ACSS3: variants seen among roughly 807,000 people sequenced by gnomAD.
ACSS3 encodes the protein acyl-CoA synthetase short-chain family member 3, mitochondrial.
In ACSS3, 64 loss-of-function variants were observed where a neutral mutation model predicts 84.2. That is an observed-to-expected ratio of 0.76 (90% CI 0.62 to 0.94). The LOEUF (loss-of-function observed/expected upper bound fraction) is 0.94, where lower values mean the gene tolerates loss of function less well. ACSS3 is among the 40% of genes least tolerant of loss of function. The probability of loss-of-function intolerance (pLI) is 0.00; values close to 1 mark genes in which losing one functional copy is unlikely to be tolerated. For missense variants in ACSS3, 815 were observed against 867.6 expected, an observed-to-expected ratio of 0.94 and a Z score of 0.76; for synonymous variants, 317 against 310.1, an observed-to-expected ratio of 1.02 and a Z score of -0.23.
chr12:81,219,024 A>C (rs2033016844), intron 10 of ACSS3, among the ~76,000 whole-genome samples: 1 of 152,156 alleles, frequency 6.6e-6, no homozygotes, highest in South Asian at 2.1e-4. Flanking sequence ...ACATTTATTG[A>C]GTACCTTATG....
intron 7 of ACSS3, among the ~76,000 whole-genome samples, chr12:81,154,791 C>T (rs899828053): frequency 6.6e-6 from 1 of 152,188 alleles, no homozygotes; most frequent in African/African-American, 2.4e-5. Context: ...GAGTTCAGCC[C>T]TGCAGACCAT....
At chr12:81,092,435 A>G (rs1190029789) in intron 1 of ACSS3, among the ~76,000 whole-genome samples, 1 of 152,188 alleles carries the variant, frequency 6.6e-6, no homozygotes, top group Admixed American at 6.5e-5. Context: ...TAAGAGTAAC[A>G]AAATCCATTT....
chr12:81,153,608 GA>G (rs1239239403), intron 7 of ACSS3, among the ~76,000 whole-genome samples: 2 of 152,098 alleles, frequency 1.3e-5, no homozygotes, highest in African/African-American at 4.8e-5. Flanking sequence ...AGAACAAATG[GA>G]CAACTTCTCA....
chr12:81,238,667 T>C lies in ACSS3; in HGVS notation c.1719+5196T>C, dbSNP rs1173448968. Among the ~76,000 whole-genome samples the C allele has an allele frequency of 2.0e-5, 3 of 151,830 alleles. No individual in the cohort carries two copies. The Admixed American group carries it at 2.0e-4, about 10-fold the overall frequency. ...TTGGTGGGCATAGACTTATTCATAA[T>C]ATTCCTTATTATCTTTTTAATGTCC... On this transcript the variant is annotated intron_variant, in intron 13 of 15. Coordinates refer to ENST00000548058, the MANE Select transcript of ACSS3 (RefSeq NM_024560.4).
rs113641638 is a variant in ACSS3 at position 81,215,243 on chromosome 12, CT to C, written c.1355-1649del. On this transcript the variant is annotated intron_variant, in intron 9 of 15. Coordinates refer to ENST00000548058, the MANE Select transcript of ACSS3 (RefSeq NM_024560.4). ...AAATACCTTCCCCCCTGCCCCCCAC[CT>C]TTTTTTTTGTCATGCTTGGAAAATA... 4.8e-4 allele frequency among the ~76,000 whole-genome samples: 73 copies of C among 151,232 alleles called. 1 individual carries two copies. The highest frequency in any genetic ancestry group is 1.5e-3 in the African/African-American group (60 of 41,266).
At chr12:81,222,345 A>G (rs2033137515) in intron 11 of ACSS3, among the ~76,000 whole-genome samples, 1 of 152,082 alleles carries the variant, frequency 6.6e-6, no homozygotes, top group South Asian at 2.1e-4. Flanking sequence ...CGGAAAACAA[A>G]GGTTACCACC....
intron 7 of ACSS3, among the ~76,000 whole-genome samples, chr12:81,168,066 T>C (rs1887486546): frequency 6.6e-6 from 1 of 152,170 alleles, no homozygotes; most frequent in Non-Finnish European, 1.5e-5. Context: ...ATGATTAAAG[T>C]AATGGGGAGT....
intron 7 of ACSS3, among the ~76,000 whole-genome samples, chr12:81,169,926 G>A (rs2029899347): frequency 1.3e-5 from 2 of 152,130 alleles, no homozygotes. Context: ...TAGAACTGCT[G>A]TGGAAACATT....
intron 13 of ACSS3, among the ~76,000 whole-genome samples, chr12:81,247,926 GA>G (rs1181812342): frequency 6.6e-6 from 1 of 151,920 alleles, no homozygotes; most frequent in South Asian, 2.1e-4. Flanking sequence ...TTTATTTGTA[GA>G]AAAAAATAGA....
intron 8 of ACSS3, among the ~76,000 whole-genome samples, chr12:81,182,435 T>C (rs567814904): frequency 3.0e-4 from 46 of 152,276 alleles, no homozygotes; most frequent in African/African-American, 1.1e-3. Flanking sequence ...ATTACTAACA[T>C]GAATACATAC....
Position 81,103,957 on chromosome 12 carries a change from AAAT to A in ACSS3, c.312-5602_312-5600del, listed in dbSNP as rs146687615. On this transcript the variant is annotated intron_variant, in intron 1 of 15. Coordinates refer to ENST00000548058, the MANE Select transcript of ACSS3 (RefSeq NM_024560.4). ...CTGCTTCATAGGGAAAGGTTTTTTA[AAAT>A]TAAATTTGTTAACATATATGATATG... Among the ~76,000 whole-genome samples the A allele has an allele frequency of 2.5e-3, 380 of 152,256 alleles. 9 individuals carry two copies. The East Asian group carries it at 0.063, about 25-fold the overall frequency.
chr12:81,242,693 G>A (rs1175729848), intron 13 of ACSS3, among the ~76,000 whole-genome samples: 1 of 125,908 alleles, frequency 7.9e-6, no homozygotes, highest in South Asian at 2.7e-4. Flanking sequence ...GGGATGCAAG[G>A]CTGGTTCAAT....
intron 7 of ACSS3, among the ~76,000 whole-genome samples, chr12:81,160,078 A>T (rs1887073935): frequency 6.6e-6 from 1 of 152,200 alleles, no homozygotes; most frequent in African/African-American, 2.4e-5. Flanking sequence ...TTCCTTGGCT[A>T]GAGTATTACG....
chr12:81,116,207 T>C (rs902842962), intron 2 of ACSS3, among the ~76,000 whole-genome samples: 1 of 152,104 alleles, frequency 6.6e-6, no homozygotes, highest in South Asian at 2.1e-4. Flanking sequence ...TAACTGGAAC[T>C]TTGGTTTAAA....
At chr12:81,174,324 T>TGCTGAATGAA (rs1450136442) in intron 7 of ACSS3, among the ~76,000 whole-genome samples, 1 of 152,182 alleles carries the variant, frequency 6.6e-6, no homozygotes, top group Non-Finnish European at 1.5e-5. Context: ...AGTGAGACAT[T>TGCTGAATGAA]TAACTGAAAA....
chr12:81,081,058 C>T (rs7959600), intron 1 of ACSS3, among the ~76,000 whole-genome samples: 126,190 of 152,178 alleles, frequency 0.83, 54,620 homozygotes, highest in Non-Finnish European at 0.95. Flanking sequence ...TGATGCCCTT[C>T]GGCTTCCCAG....
At chr12:81,217,936 C>G (rs2032980573) in intron 10 of ACSS3, among the ~76,000 whole-genome samples, 1 of 152,062 alleles carries the variant, frequency 6.6e-6, no homozygotes, top group Non-Finnish European at 1.5e-5. Flanking sequence ...TGACTAAAAG[C>G]TATAATATCC....
At chr12:81,145,105 A>G (rs1389505707) in intron 5 of ACSS3, among the ~76,000 whole-genome samples, 2 of 125,058 alleles carry the variant, frequency 1.6e-5, no homozygotes, top group African/African-American at 3.1e-5. Flanking sequence ...TTTAGTAGAG[A>G]TGGGGTTTCA....
rs766918848 is a variant in ACSS3 at position 81,253,626 on chromosome 12, C to G, written c.1951C>G (p.Pro651Ala). The G allele has an allele frequency of 6.2e-7, 1 of 1,613,824 alleles. No homozygotes were observed. Among genetic ancestry groups the G allele is most frequent in the South Asian group, 1.1e-5 (1 of 91,072 alleles). Residue 651 changes from proline (P) to alanine (A), a missense_variant, in exon 15 of 16, where the codon CCC becomes GCC. By Grantham distance (27) the Pro-to-Ala change is conservative. Transcript: ENST00000548058. ...ACCCAAAACCAGATCTGGCAAGATCCCCCGATCAGCTTTATCTGCCATTGT... is the reference window on the plus strand; with the variant it reads ...ACCCAAAACCAGATCTGGCAAGATCGCCCGATCAGCTTTATCTGCCATTGT... The part of the protein sequence containing the change: ...QLPKTRSGKI[P>A]RSALSAIVNG...
Sources: gnomAD v4.1 joint callset for allele counts (sites outside exome capture counted in the v4.1 genomes callset) on GRCh38, gnomAD v4.1.1 for gene constraint, MANE v1.5 for transcripts, NCBI Gene and HGNC (gene_info 2026-07-23, HGNC 2026-07-21) for gene names.